The following PARP4 variants were observed in gnomAD, a reference collection of about 807,000 sequenced individuals.
PARP4 encodes protein mono-ADP-ribosyltransferase PARP4.
PARP4 carries 120 observed loss-of-function variants against 187.7 expected under a neutral mutation model. The observed-to-expected ratio is 0.64, with a 90% CI of 0.55 to 0.74. PARP4 has a LOEUF of 0.74. Among genes scored for constraint, PARP4 ranks in the 30% least tolerant of loss-of-function variants. PARP4 has a pLI of 0.00. For missense variants in PARP4, 1,836 were observed against 2,070.5 expected (o/e 0.89, Z 2.20); for synonymous variants, 654 against 740.9 (o/e 0.88, Z 1.90).
At chr13:24,486,613 C>A (rs1441899498) in intron 10 of PARP4, among the ~76,000 whole-genome samples, 1 of 152,176 alleles carries the variant, frequency 6.6e-6, no homozygotes, top group Non-Finnish European at 1.5e-5. Context: ...AATTCTTGCT[C>A]TGGGCAACAG....
At chr13:24,430,771 A>G (rs1267226137) in intron 32 of PARP4, among the ~76,000 whole-genome samples, 1 of 152,124 alleles carries the variant, frequency 6.6e-6, no homozygotes, top group Non-Finnish European at 1.5e-5. Context: ...CATGATAGGA[A>G]ACAGGTCCAG....
rs1233823030 is a variant in PARP4 at position 24,455,614 on chromosome 13, C to CTTT, written c.2563-405_2563-403dup. Among the ~76,000 whole-genome samples the CTTT allele has an allele frequency of 9.2e-4, 107 of 116,278 alleles. 3 individuals carry two copies. Among genetic ancestry groups the CTTT allele is most frequent in the East Asian group, 8.9e-3 (38 of 4,248 alleles). 76.3% of individuals were successfully genotyped at this position (116,278 alleles called of 152,430 possible). On this transcript the variant is annotated intron_variant, in intron 21 of 33. Transcript: ENST00000381989. ...ATTTAACTACTATCATGTAAGTTTC[C>CTTT]TTTTTTTTTTTTTTTTTTTTTGAGA...
At chr13:24,503,354 T>C (rs1181651583) in intron 2 of PARP4, among the ~76,000 whole-genome samples, 1 of 152,200 alleles carries the variant, frequency 6.6e-6, no homozygotes, top group East Asian at 1.9e-4. Flanking sequence ...AGAATAGATA[T>C]GGCTGGTCTG....
intron 1 of PARP4, among the ~76,000 whole-genome samples, chr13:24,504,461 G>GCA (rs1869498317): frequency 6.6e-6 from 1 of 151,222 alleles, no homozygotes; most frequent in Admixed American, 6.6e-5. Context: ...CTACATGCGC[G>GCA]CACCACCACA....
chr13:24,489,096 T>C (rs1435521826), intron 10 of PARP4, among the ~76,000 whole-genome samples: 3 of 152,204 alleles, frequency 2.0e-5, no homozygotes, highest in Non-Finnish European at 4.4e-5. Context: ...TTGTGAATAG[T>C]GTTGCTATGA....
chr13:24,432,223 A>G (rs1870377920), intron 31 of PARP4, among the ~76,000 whole-genome samples: 1 of 152,202 alleles, frequency 6.6e-6, no homozygotes, highest in South Asian at 2.1e-4. Flanking sequence ...AACATTTCAA[A>G]TATTTTCTTC....
Position 24,449,672 on chromosome 13 carries a change from G to C in PARP4, c.3114+46C>G, listed in dbSNP as rs753251688. On this transcript the variant is annotated intron_variant, in intron 25 of 33. Coordinates refer to ENST00000381989, the MANE Select transcript of PARP4 (RefSeq NM_006437.4). ...CTATTTCTTAGTCTCGGAAGAATAAGAGATTTCCAAACATAAATATAAAAC... is the reference window on the plus strand; with the variant it reads ...CTATTTCTTAGTCTCGGAAGAATAACAGATTTCCAAACATAAATATAAAAC... 11 of 1,046,322 alleles carry C rather than the reference G, an allele frequency of 1.1e-5. No homozygotes were observed. The South Asian group carries it at 1.2e-4, about 11-fold the overall frequency. 64.8% of individuals were successfully genotyped at this position (1,046,322 alleles called of 1,614,324 possible).
intron 4 of PARP4, among the ~76,000 whole-genome samples, chr13:24,499,994 C>T (rs1480514259): frequency 1.3e-5 from 2 of 151,204 alleles, no homozygotes; most frequent in Non-Finnish European, 2.9e-5. Flanking sequence ...AACAAACTGT[C>T]TTTACTCTAA....
chr13:24,429,080 T>G (rs1396217090), intron 32 of PARP4, among the ~76,000 whole-genome samples: 1 of 152,214 alleles, frequency 6.6e-6, no homozygotes, highest in East Asian at 1.9e-4. Flanking sequence ...ATTAAATGAT[T>G]TTTTTCCTGT....
At chr13:24,500,159 A>C (rs1869192649) in intron 4 of PARP4, among the ~76,000 whole-genome samples, 157 bp downstream of exon 4, 1 of 152,184 alleles carries the variant, frequency 6.6e-6, no homozygotes, top group African/African-American at 2.4e-5. Context: ...ATACTAGTTG[A>C]AGAAAAAGAC....
intron 10 of PARP4, among the ~76,000 whole-genome samples, chr13:24,488,115 G>A (rs375740620): frequency 1.3e-5 from 2 of 152,180 alleles, no homozygotes; most frequent in South Asian, 2.1e-4. Context: ...TTGTACTTAG[G>A]GGGTGGGGCG....
chr13:24,433,081 T>C (rs1870431138), intron 31 of PARP4, among the ~76,000 whole-genome samples: 1 of 152,208 alleles, frequency 6.6e-6, no homozygotes, highest in South Asian at 2.1e-4. Context: ...GGAGGGAAAC[T>C]GAGGCAGGGC....
intron 1 of PARP4, among the ~76,000 whole-genome samples, chr13:24,505,219 T>C (rs1470238223): frequency 2.0e-5 from 3 of 152,042 alleles, no homozygotes; most frequent in Non-Finnish European, 2.9e-5. Flanking sequence ...AAATGCGGCT[T>C]TATGTGCAGC....
chr13:24,488,116 G>T (rs980484838), intron 10 of PARP4, among the ~76,000 whole-genome samples: 1 of 152,102 alleles, frequency 6.6e-6, no homozygotes, highest in Admixed American at 6.5e-5. Context: ...TGTACTTAGG[G>T]GGTGGGGCGG....
At chr13:24,502,000 C>T (rs1380145139) in intron 2 of PARP4, among the ~76,000 whole-genome samples, 166 bp from the exon 3 acceptor site, 1 of 152,184 alleles carries the variant, frequency 6.6e-6, no homozygotes, top group Non-Finnish European at 1.5e-5. Flanking sequence ...GTTACATAAA[C>T]ATTTTAAAAA....
chr13:24,497,997 T>C (rs1485722856), intron 6 of PARP4, 119 bp downstream of exon 6: 2 of 625,094 alleles, frequency 3.2e-6, no homozygotes, highest in Non-Finnish European at 5.6e-6. Flanking sequence ...CATTTATTAA[T>C]AGCAGCCTGA....
chr13:24,435,515 A>G, intron 30 of PARP4, 41 bp from the exon 31 acceptor site: 1 of 1,517,302 alleles, frequency 6.6e-7, no homozygotes, highest in Non-Finnish European at 8.7e-7. Context: ...GGGAAAACAC[A>G]GAATAAAAAG....
intron 33 of PARP4, among the ~76,000 whole-genome samples, chr13:24,424,257 T>A (rs1213586821): frequency 2.6e-5 from 4 of 152,368 alleles, no homozygotes; most frequent in Admixed American, 6.5e-5. Context: ...CTCATTTTTT[T>A]AAATGCAGTG....
intron 2 of PARP4, among the ~76,000 whole-genome samples, chr13:24,503,359 G>T (rs894052568): frequency 6.6e-6 from 1 of 152,172 alleles, no homozygotes; most frequent in African/African-American, 2.4e-5. Flanking sequence ...AGATATGGCT[G>T]GTCTGAAATT....
Sources: gnomAD v4.1 joint callset for allele counts (sites outside exome capture counted in the v4.1 genomes callset) on GRCh38, gnomAD v4.1.1 for gene constraint, MANE v1.5 for transcripts, NCBI Gene and HGNC (gene_info 2026-07-23, HGNC 2026-07-21) for gene names.